DLGAP2: variants seen among roughly 807,000 people sequenced by gnomAD.
DLGAP2 encodes the protein disks large-associated protein 2.
A neutral mutation model predicts 100.3 loss-of-function variants in DLGAP2; 26 were observed. That is an observed-to-expected ratio of 0.26 (90% CI 0.19 to 0.36). DLGAP2 has a LOEUF of 0.36. DLGAP2 is among the 10% of genes least tolerant of loss of function. The pLI, the probability that DLGAP2 is intolerant of heterozygous loss-of-function variation, is 1.00. For missense variants in DLGAP2, 1,858 were observed against 1,453.2 expected, an observed-to-expected ratio of 1.28 and a Z score of -4.53; for synonymous variants, 886 against 630.1, an observed-to-expected ratio of 1.41 and a Z score of -6.08.
At chr8:795,534 A>G (rs995729796) in intron 1 of DLGAP2, among the ~76,000 whole-genome samples, 1 of 152,278 alleles carries the variant, frequency 6.6e-6, no homozygotes, top group African/African-American at 2.4e-5. Context: ...TGCAGTGTGC[A>G]CTGACATAAG....
chr8:1,436,405 G>A (rs578077970), intron 3 of DLGAP2, among the ~76,000 whole-genome samples: 13 of 152,268 alleles, frequency 8.5e-5, no homozygotes, highest in African/African-American at 1.2e-4. Context: ...TCCTCTGCCT[G>A]CTTTTATCCT....
intron 2 of DLGAP2, chr8:910,618 C>G (rs1325050531): frequency 1.3e-5 from 2 of 152,142 alleles, no homozygotes; most frequent in Admixed American, 1.3e-4. Context: ...CCTTTTCTTG[C>G]TTTGGTGACC....
At chr8:767,425 G>A (rs1017260802) in intron 1 of DLGAP2, among the ~76,000 whole-genome samples, 1 of 146,372 alleles carries the variant, frequency 6.8e-6, no homozygotes, top group East Asian at 2.0e-4. Context: ...ATCTTGACTC[G>A]GTCTTGGCTC....
At chr8:1,377,346 C>A (rs1795975378) in intron 3 of DLGAP2, among the ~76,000 whole-genome samples, 1 of 152,180 alleles carries the variant, frequency 6.6e-6, no homozygotes, top group East Asian at 1.9e-4. Flanking sequence ...AGATCGAGAC[C>A]ATCCTGGGTA....
intron 3 of DLGAP2, among the ~76,000 whole-genome samples, chr8:1,322,775 C>G (rs919831747): frequency 2.0e-5 from 3 of 152,346 alleles, no homozygotes; most frequent in Middle Eastern, 6.8e-3. Flanking sequence ...CGGCTCCTCC[C>G]CCCTGCATCA....
chr8:1,697,086 TC>T, intron 13 of DLGAP2, 60 bp from the exon 14 acceptor site: 4 of 1,418,580 alleles, frequency 2.8e-6, no homozygotes, highest in Non-Finnish European at 3.7e-6. Flanking sequence ...AGGAGTGGCC[TC>T]CCCAGCCCTG....
chr8:1,630,883 G>A (rs931073114), intron 7 of DLGAP2, among the ~76,000 whole-genome samples: 1 of 139,616 alleles, frequency 7.2e-6, no homozygotes, highest in Non-Finnish European at 1.5e-5. Context: ...CGAGGGTCTC[G>A]GCGGGAGGTC....
At chr8:1,419,494 A>G (rs1797033327) in intron 3 of DLGAP2, among the ~76,000 whole-genome samples, 1 of 150,840 alleles carries the variant, frequency 6.6e-6, no homozygotes, top group Admixed American at 6.6e-5. Context: ...TTTTCATTTT[A>G]TAAATGGTTA....
chr8:1,335,095 T>G (rs1287478530), intron 3 of DLGAP2, among the ~76,000 whole-genome samples: 1 of 152,226 alleles, frequency 6.6e-6, no homozygotes, highest in Non-Finnish European at 1.5e-5. Context: ...GTCTGACGTT[T>G]CTGCAGAAGG....
intron 3 of DLGAP2, chr8:1,368,902 G>C (rs186573303): frequency 2.0e-5 from 3 of 152,130 alleles, no homozygotes; most frequent in Non-Finnish European, 4.4e-5. Flanking sequence ...TCTAAGTGGC[G>C]TCTTCCTGTA....
chr8:1,522,011 C>G (rs533762939), intron 4 of DLGAP2, among the ~76,000 whole-genome samples: 3 of 132,066 alleles, frequency 2.3e-5, no homozygotes, highest in Non-Finnish European at 3.3e-5. Context: ...TTGGAATACT[C>G]GGGGGCAGGT....
intron 1 of DLGAP2, among the ~76,000 whole-genome samples, chr8:831,207 CTTTTTTTTTTTT>C (rs59545503): frequency 7.8e-6 from 1 of 127,666 alleles, no homozygotes; most frequent in Non-Finnish European, 1.6e-5. Flanking sequence ...CCAGCAGTCA[CTTTTTTTTTTTT>C]TTTTTTTTTA....
chr8:1,060,236 G>A (rs1015087042), intron 2 of DLGAP2, among the ~76,000 whole-genome samples: 3 of 151,904 alleles, frequency 2.0e-5, no homozygotes, highest in Non-Finnish European at 2.9e-5. Flanking sequence ...GTACTGTCTC[G>A]CAGTTCTGGA....
At chr8:861,999 A>G (rs1411646359) in intron 1 of DLGAP2, among the ~76,000 whole-genome samples, 3 of 152,232 alleles carry the variant, frequency 2.0e-5, no homozygotes, top group African/African-American at 7.2e-5. Flanking sequence ...AACTGTTTAG[A>G]CTAAATTTCT....
At chr8:1,480,256 T>C (rs1799055336) in intron 3 of DLGAP2, among the ~76,000 whole-genome samples, 1 of 152,164 alleles carries the variant, frequency 6.6e-6, no homozygotes, top group Non-Finnish European at 1.5e-5. Context: ...CGGGTCTTGT[T>C]TTTATGTCTC....
intron 3 of DLGAP2, among the ~76,000 whole-genome samples, chr8:1,482,949 C>G (rs1038489267): frequency 6.6e-6 from 1 of 152,254 alleles, no homozygotes; most frequent in Non-Finnish European, 1.5e-5. Context: ...GCATTTAGCC[C>G]TCCCACAGCC....
chr8:1,458,009 T>A (rs959449680), intron 3 of DLGAP2, among the ~76,000 whole-genome samples: 1 of 136,652 alleles, frequency 7.3e-6, no homozygotes, highest in Non-Finnish European at 1.6e-5. Flanking sequence ...TATATATATA[T>A]ATATAATTTT....
chr8:1,100,337 T>G (rs944151684), intron 2 of DLGAP2, among the ~76,000 whole-genome samples: 3 of 150,622 alleles, frequency 2.0e-5, no homozygotes, highest in South Asian at 2.1e-4. Context: ...GTCCACAGTG[T>G]ACAGCGTGTG....
intron 3 of DLGAP2, among the ~76,000 whole-genome samples, chr8:1,482,275 A>T (rs1307905876): frequency 1.3e-5 from 2 of 152,150 alleles, no homozygotes; most frequent in African/African-American, 4.8e-5. Context: ...AAGCCGTTTG[A>T]TCTGCTTCTT....
Sources: gnomAD v4.1 joint callset for allele counts (sites outside exome capture counted in the v4.1 genomes callset) on GRCh38, gnomAD v4.1.1 for gene constraint, MANE v1.5 for transcripts, NCBI Gene and HGNC (gene_info 2026-07-23, HGNC 2026-07-21) for gene names.